Variants in TRAF3 observed in about 807,000 individuals in gnomAD.
TRAF3 encodes TNF receptor associated factor 3.
A neutral mutation model predicts 62.3 loss-of-function variants in TRAF3; 13 were observed. The observed-to-expected ratio is 0.21, with a 90% CI of 0.14 to 0.33. The LOEUF (loss-of-function observed/expected upper bound fraction) is 0.33, where lower values mean the gene tolerates loss of function less well. Ranked by LOEUF, TRAF3 falls within the 10% of genes least tolerant of loss-of-function variation. The probability of loss-of-function intolerance (pLI) is 1.00; values close to 1 mark genes in which losing one functional copy is unlikely to be tolerated. For synonymous variants in TRAF3, 269 were observed against 283.4 expected, an observed-to-expected ratio of 0.95 and a Z score of 0.51; for missense variants, 440 against 741.8, an observed-to-expected ratio of 0.59 and a Z score of 4.73.
intron 9 of TRAF3, chr14:102,894,944 C>T (rs535345757): frequency 2.9e-6 from 1 of 344,608 alleles, no homozygotes; most frequent in South Asian, 2.3e-5. Flanking sequence ...TCAAGTGGTC[C>T]GTCTGCCTCA....
rs762827715 is a variant in TRAF3 at position 102,870,258 on chromosome 14, A to G, written c.57A>G (p.Leu19=). 7 of 1,614,240 alleles carry G rather than the reference A, an allele frequency of 4.3e-6. No individual in the cohort carries two copies. The highest frequency in any genetic ancestry group is 5.1e-6 in the Non-Finnish European group (6 of 1,180,036). Residue 19 remains leucine, a synonymous_variant, in exon 3 of 12, where the codon CTA becomes CTG. Coordinates refer to ENST00000392745, the MANE Select transcript of TRAF3 (RefSeq NM_145725.3). ...SPGALQTNPP[L]KLHTDRSAGT... Reference sequence around the variant, plus strand: ...GCGCGCTGCAGACTAACCCGCCGCTAAAGCTGCACACTGACCGCAGTGCTG... The same window carrying G: ...GCGCGCTGCAGACTAACCCGCCGCTGAAGCTGCACACTGACCGCAGTGCTG...
intron 2 of TRAF3, among the ~76,000 whole-genome samples, chr14:102,838,117 G>A (rs1017655029): frequency 2.0e-5 from 3 of 152,232 alleles, no homozygotes; most frequent in African/African-American, 7.2e-5. Context: ...GTATCGTGTT[G>A]TGAAGCTGCT....
Position 102,833,920 on chromosome 14 carries a change from C to T in TRAF3, c.-18+3448C>T, listed in dbSNP as rs954455036. 4.7e-5 allele frequency among the ~76,000 whole-genome samples: 7 copies of T among 149,894 alleles called. No individual in the cohort carries two copies. In the East Asian group the frequency reaches 6.0e-4, roughly 13 times the overall value. On this transcript the variant is annotated intron_variant, in intron 2 of 11. Coordinates refer to ENST00000392745, the MANE Select transcript of TRAF3 (RefSeq NM_145725.3). ...AGGAGAATGGCTTGAACCCGGGAGGCGGAGGTTGCAGTGAGCCAAGATTGC... is the reference window on the plus strand; with the variant it reads ...AGGAGAATGGCTTGAACCCGGGAGGTGGAGGTTGCAGTGAGCCAAGATTGC...
At chr14:102,789,315 A>G (rs1041553371) in intron 1 of TRAF3, among the ~76,000 whole-genome samples, 4 of 152,224 alleles carry the variant, frequency 2.6e-5, no homozygotes, top group African/African-American at 7.2e-5. Context: ...TAATGCTGCT[A>G]TAAACATTTG....
intron 2 of TRAF3, among the ~76,000 whole-genome samples, chr14:102,834,836 C>G (rs1272043093): frequency 6.6e-6 from 1 of 152,014 alleles, no homozygotes; most frequent in Non-Finnish European, 1.5e-5. Flanking sequence ...GACACAGGAA[C>G]TGACAAAGGT....
chr14:102,903,442 C>T lies in TRAF3; in HGVS notation c.1135+13C>T, dbSNP rs754527307. On this transcript the variant is annotated intron_variant, in intron 11 of 11. Coordinates refer to ENST00000392745, the MANE Select transcript of TRAF3 (RefSeq NM_145725.3). The surrounding 1 kb of genome is among the most constrained non-coding windows in gnomAD (Gnocchi z 6.4). ...GCTCGGAACACAGGTGAGGCAGGGG[C>T]CGGGGCCGGGCCAGCAGTGTGCATC... The T allele has an allele frequency of 6.2e-7, 1 of 1,613,122 alleles. No homozygotes were observed. The highest frequency in any genetic ancestry group is 8.5e-7 in the Non-Finnish European group (1 of 1,179,734).
At chr14:102,887,039 C>A (rs142249415) in intron 7 of TRAF3, among the ~76,000 whole-genome samples, 2,835 of 152,318 alleles carry the variant, frequency 0.019, 35 homozygotes, top group African/African-American at 0.022. Flanking sequence ...CCAAAGGTTG[C>A]ACGTCTCACA....
intron 6 of TRAF3, among the ~76,000 whole-genome samples, chr14:102,882,299 C>T (rs1889114188): frequency 6.6e-6 from 1 of 152,188 alleles, no homozygotes; most frequent in Non-Finnish European, 1.5e-5. Context: ...GCACTTCATG[C>T]TTGAGATGAA....
chr14:102,859,225 CCTT>C (rs753965878), intron 2 of TRAF3, among the ~76,000 whole-genome samples: 157 of 151,742 alleles, frequency 1.0e-3, no homozygotes, highest in African/African-American at 3.5e-3. Flanking sequence ...TCACATGTCT[CCTT>C]CTCTTTTACC....
chr14:102,843,149 G>C (rs1886479617), intron 2 of TRAF3, among the ~76,000 whole-genome samples: 1 of 151,382 alleles, frequency 6.6e-6, no homozygotes, highest in South Asian at 2.1e-4. Flanking sequence ...GTTGCAGTGA[G>C]CCGAGATCGT....
At chr14:102,867,774 G>A (rs1888089317) in intron 2 of TRAF3, among the ~76,000 whole-genome samples, 1 of 152,228 alleles carries the variant, frequency 6.6e-6, no homozygotes, top group South Asian at 2.1e-4. Flanking sequence ...CGGCAAGTTT[G>A]TAAGCAAATG....
At position 102,886,270 on chromosome 14, in the gene TRAF3, G is replaced by T; in HGVS notation, c.651+1G>T. The T allele has an allele frequency of 6.2e-7, 1 of 1,609,792 alleles. No homozygotes were observed. Among genetic ancestry groups the T allele is most frequent in the Non-Finnish European group, 8.5e-7 (1 of 1,179,254 alleles). On this transcript the variant is annotated splice_donor_variant, in intron 7 of 11. Coordinates refer to ENST00000392745, the MANE Select transcript of TRAF3 (RefSeq NM_145725.3). LOFTEE classifies it high-confidence loss of function. Reference sequence around the variant, plus strand: ...CGTCCAGACTCTCCTGAGGAGCGAGGTAGGGGCGGCCGGGCCCGGCCGGGA... The same window carrying T: ...CGTCCAGACTCTCCTGAGGAGCGAGTTAGGGGCGGCCGGGCCCGGCCGGGA...
At chr14:102,835,122 T>A (rs1358495327) in intron 2 of TRAF3, among the ~76,000 whole-genome samples, 1 of 150,844 alleles carries the variant, frequency 6.6e-6, no homozygotes, top group Non-Finnish European at 1.5e-5. Flanking sequence ...CCAAAGAAGA[T>A]GCACATGCAG....
chr14:102,872,625 G>A (rs1270195703), intron 4 of TRAF3, among the ~76,000 whole-genome samples: 1 of 152,064 alleles, frequency 6.6e-6, no homozygotes, highest in African/African-American at 2.4e-5. Context: ...ATGTGCTGCT[G>A]TACCCTGCCA....
chr14:102,796,397 A>C (rs1898087686), intron 1 of TRAF3, among the ~76,000 whole-genome samples: 1 of 152,212 alleles, frequency 6.6e-6, no homozygotes, highest in Non-Finnish European at 1.5e-5. Context: ...GGTAACTGTA[A>C]GTACATATTT....
chr14:102,780,922 G>A (rs1365206122), intron 1 of TRAF3, among the ~76,000 whole-genome samples: 1 of 152,158 alleles, frequency 6.6e-6, no homozygotes, highest in Non-Finnish European at 1.5e-5. Context: ...GTGGCAGGAA[G>A]GATAAGGAAA....
At chr14:102,904,704 G>A (rs1890490352) in intron 11 of TRAF3, among the ~76,000 whole-genome samples, 1 of 152,018 alleles carries the variant, frequency 6.6e-6, no homozygotes, top group Non-Finnish European at 1.5e-5. Context: ...CAGCTACTCG[G>A]GAGGCTGAGG....
Position 102,903,589 on chromosome 14 carries a change from A to C in TRAF3, c.1135+160A>C, listed in dbSNP as rs1405649728. The C allele has an allele frequency of 9.3e-7, 1 of 1,071,468 alleles. No homozygotes were observed. The highest frequency in any genetic ancestry group is 1.3e-5 in the South Asian group (1 of 74,302). 66.4% of individuals were successfully genotyped at this position (1,071,468 alleles called of 1,614,324 possible). A position where few individuals can be genotyped will look rare whatever the true frequency, so the allele number is the denominator to read the frequency against. On this transcript the variant is annotated intron_variant, in intron 11 of 11. Coordinates refer to ENST00000392745, the MANE Select transcript of TRAF3 (RefSeq NM_145725.3). The surrounding 1 kb of genome is among the most constrained non-coding windows in gnomAD (Gnocchi z 6.4). ...CAGAGGTGTGATGACTTTCCTACTG[A>C]AAGTCCCCCAGCAAAGACAAACGTT...
chr14:102,803,969 C>T (rs1433731927), intron 1 of TRAF3, among the ~76,000 whole-genome samples: 4 of 152,026 alleles, frequency 2.6e-5, no homozygotes, highest in Non-Finnish European at 4.4e-5. Context: ...AGGCTCAGGC[C>T]GGAGGGTCGC....
Sources: allele counts gnomAD v4.1 joint callset (sites outside exome capture counted in the v4.1 genomes callset), GRCh38; gene constraint gnomAD v4.1.1; non-coding constraint Gnocchi (gnomAD v3.1); transcripts MANE v1.5; gene names NCBI Gene and HGNC (gene_info 2026-07-23, HGNC 2026-07-21).